ALK: variants seen among roughly 807,000 people sequenced by gnomAD.
The protein encoded by ALK is ALK receptor tyrosine kinase, also known as ALK tyrosine kinase receptor.
In ALK, 74 loss-of-function variants were observed where a neutral mutation model predicts 163.1. The observed-to-expected ratio is 0.45, with a 90% confidence interval of 0.38 to 0.55. ALK has a LOEUF of 0.55. Ranked by LOEUF, ALK falls within the 20% of genes least tolerant of loss-of-function variation. The pLI, the probability that ALK is intolerant of heterozygous loss-of-function variation, is 0.00. For synonymous variants in ALK, 960 were observed against 843.2 expected (o/e 1.14, Z -2.40); for missense variants, 2,063 against 2,105.3 (o/e 0.98, Z 0.39).
chr2:29,840,048 T>C (rs1665659579), intron 1 of ALK, among the ~76,000 whole-genome samples: 1 of 152,314 alleles, frequency 6.6e-6, no homozygotes, highest in Admixed American at 6.5e-5. Flanking sequence ...AAATCTGAGA[T>C]TACAGTGCAA....
chr2:29,712,277 T>G (rs1258138344), intron 2 of ALK, among the ~76,000 whole-genome samples: 1 of 152,176 alleles, frequency 6.6e-6, no homozygotes, highest in Non-Finnish European at 1.5e-5. Flanking sequence ...ATCTTTTGCT[T>G]ATCAAGCTTG....
intron 5 of ALK, among the ~76,000 whole-genome samples, chr2:29,380,444 G>A (rs1668867883): frequency 6.6e-6 from 1 of 151,566 alleles, no homozygotes; most frequent in Non-Finnish European, 1.5e-5. Context: ...TTGAGACGGA[G>A]TTTCACTCTT....
intron 1 of ALK, among the ~76,000 whole-genome samples, chr2:29,759,429 G>T (rs1242219138): frequency 6.6e-6 from 1 of 152,172 alleles, no homozygotes; most frequent in African/African-American, 2.4e-5. Context: ...GCATGTGTGT[G>T]TGCATGTGTG....
chr2:29,374,922 G>C (rs1439728679), intron 5 of ALK, among the ~76,000 whole-genome samples: 1 of 152,168 alleles, frequency 6.6e-6, no homozygotes, highest in Non-Finnish European at 1.5e-5. Flanking sequence ...ATTTCTCCTT[G>C]GTGATCACTT....
At chr2:29,328,209 G>T in intron 6 of ALK, 141 bp downstream of exon 6, 2 of 1,199,956 alleles carry the variant, frequency 1.7e-6, no homozygotes, top group Non-Finnish European at 2.4e-6. Context: ...TGAAGACTGT[G>T]TGGCTTTGCC....
intron 4 of ALK, among the ~76,000 whole-genome samples, chr2:29,472,531 C>T (rs942713406): frequency 6.6e-6 from 1 of 152,124 alleles, no homozygotes; most frequent in Non-Finnish European, 1.5e-5. Flanking sequence ...AGGAAGAAGA[C>T]AATGAGGCTC....
chr2:29,297,128 G>A (rs1666211696), intron 8 of ALK, 71 bp from the exon 9 acceptor site: 5 of 1,584,618 alleles, frequency 3.2e-6, no homozygotes, highest in Non-Finnish European at 4.3e-6. Flanking sequence ...ATTCTCCACT[G>A]AAGTTTCAAG....
At chr2:29,633,556 T>C (rs1286157107) in intron 3 of ALK, among the ~76,000 whole-genome samples, 1 of 151,632 alleles carries the variant, frequency 6.6e-6, no homozygotes, top group African/African-American at 2.4e-5. Context: ...AAGCAGAAGA[T>C]ATAATAAATA....
At chr2:29,310,083 A>C (rs965760943) in intron 8 of ALK, among the ~76,000 whole-genome samples, 1 of 152,156 alleles carries the variant, frequency 6.6e-6, no homozygotes, top group African/African-American at 2.4e-5. Context: ...TGTTTTCTCA[A>C]ATTAAAGGAA....
chr2:29,709,194 G>A (rs920029200), intron 2 of ALK, among the ~76,000 whole-genome samples: 7 of 152,154 alleles, frequency 4.6e-5, no homozygotes, highest in Non-Finnish European at 8.8e-5. Context: ...AAAAAAGCAA[G>A]CCTGCTCAAA....
chr2:29,418,010 C>A (rs763268868), intron 4 of ALK, among the ~76,000 whole-genome samples: 2 of 152,330 alleles, frequency 1.3e-5, no homozygotes, highest in East Asian at 3.9e-4. Flanking sequence ...AAGCTTCACA[C>A]CCCTGGGGCA....
intron 3 of ALK, among the ~76,000 whole-genome samples, chr2:29,552,496 T>C (rs759793568): frequency 7.2e-5 from 11 of 152,194 alleles, no homozygotes; most frequent in Non-Finnish European, 1.3e-4. Flanking sequence ...TTTCTCTCCA[T>C]ACATCCTCAC....
intron 2 of ALK, among the ~76,000 whole-genome samples, chr2:29,704,988 C>T (rs1303385950): frequency 5.3e-5 from 8 of 151,580 alleles, no homozygotes; most frequent in East Asian, 1.9e-4. Context: ...GAGGCCAAGG[C>T]GGATGGATCA....
chr2:29,709,501 C>A (rs369260025), intron 2 of ALK, among the ~76,000 whole-genome samples: 20 of 152,198 alleles, frequency 1.3e-4, no homozygotes, highest in African/African-American at 4.8e-4. Flanking sequence ...ACTAGGTGTG[C>A]AAAAGGAAAC....
intron 2 of ALK, among the ~76,000 whole-genome samples, chr2:29,709,714 C>T (rs143917476): frequency 2.0e-4 from 31 of 152,186 alleles, no homozygotes; most frequent in East Asian, 1.9e-3. Context: ...GGTTATAGTG[C>T]GGTCACCAGC....
intron 23 of ALK, among the ~76,000 whole-genome samples, 186 bp from the exon 24 acceptor site, chr2:29,214,267 C>G (rs1669542244): frequency 6.6e-6 from 1 of 152,118 alleles, no homozygotes; most frequent in Non-Finnish European, 1.5e-5. Context: ...ATGCCTGGGC[C>G]CCAACCCAGA....
At chr2:29,626,606 C>G (rs1051322952) in intron 3 of ALK, among the ~76,000 whole-genome samples, 1 of 152,088 alleles carries the variant, frequency 6.6e-6, no homozygotes, top group Non-Finnish European at 1.5e-5. Flanking sequence ...ATGGGATTTG[C>G]GTCCTGTAAT....
At chr2:29,235,586 C>T (rs1474422556) in intron 13 of ALK, among the ~76,000 whole-genome samples, 2 of 152,064 alleles carry the variant, frequency 1.3e-5, no homozygotes, top group Non-Finnish European at 2.9e-5. Context: ...CTCACTGCCA[C>T]CTGGCACAGG....
chr2:29,660,845 G>T (rs1015092613), intron 3 of ALK, among the ~76,000 whole-genome samples: 2 of 152,008 alleles, frequency 1.3e-5, no homozygotes, highest in African/African-American at 4.8e-5. Flanking sequence ...TCCTGAATGT[G>T]ATTAAACGAC....
Sources: gnomAD v4.1 joint callset for allele counts (sites outside exome capture counted in the v4.1 genomes callset) on GRCh38, gnomAD v4.1.1 for gene constraint, MANE v1.5 for transcripts, NCBI Gene and HGNC (gene_info 2026-07-23, HGNC 2026-07-21) for gene names.